Variants in COL13A1 observed in about 807,000 individuals in gnomAD.
COL13A1 encodes the protein collagen type XIII alpha 1 chain.
Under a neutral mutation model 130.9 loss-of-function variants are expected in COL13A1, and 89 were observed. That is an observed-to-expected ratio of 0.68 (90% CI 0.57 to 0.81). The LOEUF is 0.81. Ranked by LOEUF, COL13A1 falls within the 30% of genes least tolerant of loss-of-function variation. COL13A1 has a pLI of 0.00. For synonymous variants in COL13A1, 402 were observed against 341.6 expected (o/e 1.18, Z -1.95); for missense variants, 879 against 934.6 (o/e 0.94, Z 0.78).
At chr10:69,855,488 T>G (rs991413456) in intron 2 of COL13A1, among the ~76,000 whole-genome samples, 7 of 152,274 alleles carry the variant, frequency 4.6e-5, no homozygotes, top group African/African-American at 1.7e-4. Context: ...CATATTATAA[T>G]AACACTCCAT....
intron 16 of COL13A1, among the ~76,000 whole-genome samples, chr10:69,905,232 C>T (rs1411305167): frequency 2.6e-5 from 4 of 152,214 alleles, no homozygotes; most frequent in African/African-American, 9.7e-5. Flanking sequence ...TAGCGTCTAG[C>T]TGGAAACTCT....
chr10:69,871,525 G>A (rs1377587245), intron 3 of COL13A1, among the ~76,000 whole-genome samples: 3 of 152,170 alleles, frequency 2.0e-5, no homozygotes, highest in Non-Finnish European at 4.4e-5. Context: ...CACCATTGAC[G>A]GGATGTCCTC....
intron 17 of COL13A1, among the ~76,000 whole-genome samples, chr10:69,914,205 C>T (rs1259384652): frequency 6.6e-6 from 1 of 152,140 alleles, no homozygotes; most frequent in Non-Finnish European, 1.5e-5. Context: ...CCCCTCTGGG[C>T]AGGAGGAAGG....
At chr10:69,849,709 G>T (rs1296126301) in intron 2 of COL13A1, among the ~76,000 whole-genome samples, 2 of 152,152 alleles carry the variant, frequency 1.3e-5, no homozygotes, top group Admixed American at 6.5e-5. Context: ...CCTGTGCCCA[G>T]CGCAGACCTC....
chr10:69,839,396 T>TCCCC (rs200203226), intron 2 of COL13A1, among the ~76,000 whole-genome samples: 1 of 151,924 alleles, frequency 6.6e-6, no homozygotes, highest in South Asian at 2.1e-4. Flanking sequence ...TTTAAAGGAT[T>TCCCC]CCCCCCACGG....
chr10:69,838,834 C>T (rs1204874179), intron 2 of COL13A1, among the ~76,000 whole-genome samples: 1 of 152,258 alleles, frequency 6.6e-6, no homozygotes, highest in Non-Finnish European at 1.5e-5. Flanking sequence ...CTGTGTGGCC[C>T]TGAGTCTCTG....
At chr10:69,931,127 G>C (rs1031294776) in intron 30 of COL13A1, 5 of 455,756 alleles carry the variant, frequency 1.1e-5, no homozygotes, top group African/African-American at 2.0e-5. Context: ...ACCACCTTGA[G>C]CTCCACTAAC....
chr10:69,892,684 C>T (rs2061300058), intron 10 of COL13A1, among the ~76,000 whole-genome samples: 2 of 152,206 alleles, frequency 1.3e-5, no homozygotes, highest in Non-Finnish European at 2.9e-5. Context: ...CACCGGTGGC[C>T]ATGGCCCTTA....
chr10:69,898,185 G>A (rs1417387215), intron 13 of COL13A1, among the ~76,000 whole-genome samples: 2 of 152,112 alleles, frequency 1.3e-5, no homozygotes, highest in Non-Finnish European at 2.9e-5. Flanking sequence ...CCCACCAGCC[G>A]CACACCAGCC....
intron 2 of COL13A1, among the ~76,000 whole-genome samples, chr10:69,840,021 C>T (rs57098602): frequency 0.15 from 22,510 of 152,134 alleles, 1,727 homozygotes; most frequent in Non-Finnish European, 0.16. Context: ...TGGACAATTG[C>T]GGTGTCCAGG....
At chr10:69,873,497 G>A (rs2059283583) in intron 4 of COL13A1, among the ~76,000 whole-genome samples, 1 of 152,158 alleles carries the variant, frequency 6.6e-6, no homozygotes, top group Admixed American at 6.5e-5. Context: ...GCATTTAGGG[G>A]GCAATTGACA....
chr10:69,957,689 C>G (rs768920945), intron 40 of COL13A1, among the ~76,000 whole-genome samples: 9 of 152,222 alleles, frequency 5.9e-5, no homozygotes, highest in Non-Finnish European at 1.0e-4. Context: ...TCAACCATGG[C>G]TCCCCAGAGC....
intron 2 of COL13A1, 100 bp downstream of exon 2, chr10:69,822,538 C>A: frequency 2.3e-6 from 2 of 883,258 alleles, no homozygotes; most frequent in South Asian, 2.4e-5. Flanking sequence ...CTCAGGCCGT[C>A]ACTTTTCATT....
chr10:69,927,004 A>T, intron 26 of COL13A1, 83 bp from the exon 27 acceptor site: 1 of 1,598,352 alleles, frequency 6.3e-7, no homozygotes, highest in South Asian at 1.1e-5. Flanking sequence ...CCTAGCTCCC[A>T]TGTTTCCATG....
intron 2 of COL13A1, among the ~76,000 whole-genome samples, chr10:69,827,206 CTG>C (rs1847711559): frequency 1.3e-5 from 2 of 152,186 alleles, no homozygotes; most frequent in South Asian, 4.1e-4. Flanking sequence ...TTGAAGAAAT[CTG>C]GAGCTCAGAG....
At chr10:69,822,299 C>T in intron 1 of COL13A1, 70 bp from the exon 2 acceptor site, 2 of 1,273,050 alleles carry the variant, frequency 1.6e-6, no homozygotes, top group Non-Finnish European at 2.1e-6. Context: ...CCTCGTCAGC[C>T]CACAGCTGCT....
At chr10:69,806,443 G>C (rs1009513645) in intron 1 of COL13A1, among the ~76,000 whole-genome samples, 3 of 152,348 alleles carry the variant, frequency 2.0e-5, no homozygotes, top group African/African-American at 7.2e-5. Context: ...ACCAGCCCAT[G>C]ACGGGGGTTG....
At chr10:69,956,962 T>C (rs201250052) in intron 39 of COL13A1, 42 bp from the exon 40 acceptor site, 17 of 1,577,246 alleles carry the variant, frequency 1.1e-5, no homozygotes, top group East Asian at 2.2e-5. Flanking sequence ...TGGTGGACCA[T>C]TGCAGGAAGT....
chr10:69,876,577 C>T (rs775825390), intron 5 of COL13A1, among the ~76,000 whole-genome samples: 20 of 152,296 alleles, frequency 1.3e-4, no homozygotes, highest in East Asian at 3.9e-4. Flanking sequence ...AATTGCTGCC[C>T]GGCCCTGTCT....
Sources: allele counts gnomAD v4.1 joint callset (sites outside exome capture counted in the v4.1 genomes callset), GRCh38; gene constraint gnomAD v4.1.1; transcripts MANE v1.5; gene names NCBI Gene and HGNC (gene_info 2026-07-23, HGNC 2026-07-21).